The following PBRM1 variants were observed in gnomAD, a reference collection of about 807,000 sequenced individuals.
PBRM1 encodes the protein polybromo 1, also known as protein polybromo-1.
A neutral mutation model predicts 194.5 loss-of-function variants in PBRM1; 27 were observed. The observed-to-expected ratio is 0.14, with a 90% CI of 0.10 to 0.19. The LOEUF (loss-of-function observed/expected upper bound fraction) is 0.19. Among genes scored for constraint, PBRM1 ranks in the 10% least tolerant of loss-of-function variants. PBRM1 has a pLI of 1.00. For synonymous variants in PBRM1, 655 were observed against 693.2 expected (o/e 0.94, Z 0.87); for missense variants, 1,466 against 2,077.2 (o/e 0.71, Z 5.72).
intron 7 of PBRM1, among the ~76,000 whole-genome samples, chr3:52,647,457 AATATATATATATATATAT>A (rs199916798): frequency 0.016 from 773 of 47,838 alleles, 21 homozygotes; most frequent in Non-Finnish European, 0.022. Flanking sequence ...AAAAAAAAAA[AATATATATATATATATAT>A]ATATATATAT....
intron 22 of PBRM1, among the ~76,000 whole-genome samples, chr3:52,567,577 A>AAAG (rs1301321588): frequency 2.0e-5 from 3 of 150,428 alleles, no homozygotes; most frequent in African/African-American, 7.3e-5. Context: ...AAAAAAAAAA[A>AAAG]AAAAGAAAAA....
At chr3:52,597,126 C>T (rs917647387) in intron 17 of PBRM1, among the ~76,000 whole-genome samples, 10 of 152,234 alleles carry the variant, frequency 6.6e-5, no homozygotes, top group Admixed American at 5.2e-4. Context: ...CTCTAACTCC[C>T]GCAAGCACAA....
At chr3:52,585,275 A>G (rs2092190930) in intron 20 of PBRM1, among the ~76,000 whole-genome samples, 1 of 152,140 alleles carries the variant, frequency 6.6e-6, no homozygotes, top group South Asian at 2.1e-4. Context: ...CCTGCTCTGA[A>G]ACAGCTTCAA....
intron 26 of PBRM1, 83 bp from the exon 29 acceptor site, chr3:52,554,962 T>A: frequency 9.4e-7 from 1 of 1,062,132 alleles, no homozygotes; most frequent in Non-Finnish European, 1.4e-6. Context: ...CCACATGCAC[T>A]ACCAATGAAT....
At chr3:52,674,838 T>C (rs1440201333) in intron 2 of PBRM1, among the ~76,000 whole-genome samples, 1 of 151,262 alleles carries the variant, frequency 6.6e-6, no homozygotes, top group Non-Finnish European at 1.5e-5. Context: ...CACGTATATA[T>C]AACATATATA....
In PBRM1 at chr3:52,586,575, G is replaced by A. The variant is rs141945644; in HGVS notation, c.3237C>T (p.Pro1079=). 119 of 1,614,032 alleles carry A rather than the reference G, an allele frequency of 7.4e-5. 2 individuals carry two copies. In the South Asian group the frequency reaches 8.5e-4, roughly 11 times the overall value. ...GAGGGACAAACCTGACTGAGCTGAT[G>A]GGCATGGTCCACAGTTTAATTTTCT... is the stretch of plus-strand genomic sequence containing the variant. The change falls in exon 20 of 30, where the codon CCC becomes CCT. Residue 1079 remains proline (P), a synonymous_variant. Transcript: ENST00000296302.
At chr3:52,582,088 C>T (rs899653272) in intron 20 of PBRM1, among the ~76,000 whole-genome samples, 4 of 148,066 alleles carry the variant, frequency 2.7e-5, no homozygotes, top group Non-Finnish European at 4.5e-5. Flanking sequence ...ACTAAAAATA[C>T]AAAAATAGCC....
At chr3:52,639,926 ATACT>A (rs1236524526) in intron 10 of PBRM1, among the ~76,000 whole-genome samples, 2 of 152,178 alleles carry the variant, frequency 1.3e-5, no homozygotes, top group East Asian at 1.9e-4. Flanking sequence ...TAGGAAACAA[ATACT>A]TACATGAAGA....
chr3:52,645,723 T>C (rs758364730), intron 7 of PBRM1, among the ~76,000 whole-genome samples: 2 of 151,930 alleles, frequency 1.3e-5, no homozygotes, highest in Non-Finnish European at 2.9e-5. Flanking sequence ...GTGGTGTATA[T>C]AGTGTGGATA....
rs920292406 is a variant in PBRM1, at chr3:52,602,628, T to C, written c.2779+893A>G. 2.0e-5 allele frequency among the ~76,000 whole-genome samples: 3 copies of C among 152,248 alleles called. No homozygotes were observed. In the East Asian group the frequency reaches 5.8e-4, roughly 29 times the overall value. On this transcript the variant is annotated intron_variant, in intron 17 of 29. Coordinates refer to ENST00000296302, the Ensembl canonical transcript of PBRM1. ...GTTGCAGCTTTACTCCATGCATTTCTGCATCAACCACTTTTAGCTGGCAAA... is the reference window on the plus strand; with the variant it reads ...GTTGCAGCTTTACTCCATGCATTTCCGCATCAACCACTTTTAGCTGGCAAA...
intron 2 of PBRM1, among the ~76,000 whole-genome samples, chr3:52,673,056 C>T (rs1033648419): frequency 2.0e-5 from 3 of 151,700 alleles, no homozygotes; most frequent in Non-Finnish European, 4.4e-5. Context: ...GGTGCAATCT[C>T]AGCTCACTGC....
chr3:52,666,429 G>C (rs1427590679), intron 3 of PBRM1, among the ~76,000 whole-genome samples: 1 of 152,024 alleles, frequency 6.6e-6, no homozygotes, highest in Non-Finnish European at 1.5e-5. Flanking sequence ...CCAGCTACTC[G>C]GGAGGCTGAG....
chr3:52,636,844 G>C (rs938118702), intron 10 of PBRM1, among the ~76,000 whole-genome samples: 1 of 131,742 alleles, frequency 7.6e-6, no homozygotes, highest in East Asian at 2.2e-4. Context: ...GGGCGACAGA[G>C]TGAGACTCCG....
chr3:52,631,283 C>A (rs984762507), intron 11 of PBRM1, among the ~76,000 whole-genome samples: 13 of 149,108 alleles, frequency 8.7e-5, no homozygotes, highest in East Asian at 2.0e-4. Context: ...CCAGCCTGGG[C>A]AATATGGCAA....
chr3:52,641,897 A>G, intron 10 of PBRM1, 57 bp downstream of exon 11: 3 of 1,034,064 alleles, frequency 2.9e-6, no homozygotes, highest in Non-Finnish European at 4.6e-6. Context: ...CTGCAATTTC[A>G]TTTAGCTAGA....
At chr3:52,633,455 A>G (rs2153633600) in intron 11 of PBRM1, among the ~76,000 whole-genome samples, 1 of 152,254 alleles carries the variant, frequency 6.6e-6, no homozygotes, top group African/African-American at 2.4e-5. Flanking sequence ...GCTATTGTGA[A>G]TGCTGCTGCT....
rs546592152 is a variant in PBRM1 at position 52,642,167 on chromosome 3, C to A, written c.996-122G>T. ...AAGAAAAATAATTTCTATTCAATTG[C>A]CTCCTTAGTTTATCTCTGTACTTAA... On this transcript the variant is annotated intron_variant, in intron 9 of 29. Coordinates refer to ENST00000296302, the Ensembl canonical transcript of PBRM1. The A allele has an allele frequency of 1.1e-5, 7 of 665,846 alleles. No homozygotes were observed. In the South Asian group the frequency reaches 1.2e-4, roughly 12 times the overall value. The allele number at this position is 665,846 out of a possible 1,614,324, so 41.2% of individuals were successfully genotyped here.
Position 52,586,693 on chromosome 3 carries a change from G to A in PBRM1, c.3124-5C>T, listed in dbSNP as rs368376219. On this transcript the variant is annotated splice_polypyrimidine_tract_variant and splice_region_variant and intron_variant, in intron 19 of 29. Coordinates refer to ENST00000296302, the Ensembl canonical transcript of PBRM1. ...TGGGCATAACTTAAAGTATTCCTGG[G>A]GGGTGGGGAGGGCATAAGAATAAAA... 14 of 1,586,390 alleles carry A rather than the reference G, an allele frequency of 8.8e-6. No homozygotes were observed. The African/African-American group carries it at 1.1e-4, about 12-fold the overall frequency.
At chr3:52,549,867 T>C (rs2080447425) in intron 29 of PBRM1, among the ~76,000 whole-genome samples, 1 of 151,038 alleles carries the variant, frequency 6.6e-6, no homozygotes, top group African/African-American at 2.4e-5. Flanking sequence ...ATTGTACCAC[T>C]GCACTCCAGC....
Sources: allele counts gnomAD v4.1 joint callset (sites outside exome capture counted in the v4.1 genomes callset), GRCh38; gene constraint gnomAD v4.1.1; transcripts MANE v1.5; gene names NCBI Gene and HGNC (gene_info 2026-07-23, HGNC 2026-07-21).